Variants in PSMD6 observed in about 807,000 individuals in gnomAD.
The protein encoded by PSMD6 is 26S proteasome non-ATPase regulatory subunit 6.
Under a neutral mutation model 44.9 loss-of-function variants are expected in PSMD6, and 7 were observed. That is an observed-to-expected ratio of 0.16 (90% CI 0.09 to 0.29). The LOEUF is 0.29. Among genes scored for constraint, PSMD6 ranks in the 10% least tolerant of loss-of-function variants. The pLI, the probability that PSMD6 is intolerant of heterozygous loss-of-function variation, is 1.00. For missense variants in PSMD6, 420 were observed against 482.6 expected, an observed-to-expected ratio of 0.87 and a Z score of 1.21; for synonymous variants, 184 against 172.7, an observed-to-expected ratio of 1.07 and a Z score of -0.51.
chr3:64,022,779 T>C (rs1196667427), intron 1 of PSMD6: 2 of 1,536,298 alleles, frequency 1.3e-6, no homozygotes, highest in East Asian at 2.4e-5. Context: ...CGGTTTGCTC[T>C]TGCCGGATTC....
At chr3:64,022,001 A>G (rs1227142925) in intron 2 of PSMD6, among the ~76,000 whole-genome samples, 2 of 152,212 alleles carry the variant, frequency 1.3e-5, no homozygotes, top group Non-Finnish European at 2.9e-5. Flanking sequence ...CTTCCCAACC[A>G]AGTGAGAAAA....
Position 64,016,554 on chromosome 3 carries a change from A to G in PSMD6, c.826+2045T>C, listed in dbSNP as rs187639536. 2.2e-4 allele frequency: 30 copies of G among 133,626 alleles called. No homozygotes were observed. The East Asian group carries it at 6.6e-3, about 30-fold the overall frequency. 8.3% of individuals were successfully genotyped at this position (133,626 alleles called of 1,614,324 possible). On this transcript the variant is annotated intron_variant, in intron 5 of 7. Coordinates refer to ENST00000295901, the MANE Select transcript of PSMD6 (RefSeq NM_014814.3). Reference sequence around the variant, plus strand: ...CAAAACAGAGTGCTAAGTTTTAGCAATTGGGGCACATGGCCAGTTAAGTAT... The same window carrying G: ...CAAAACAGAGTGCTAAGTTTTAGCAGTTGGGGCACATGGCCAGTTAAGTAT...
intron 6 of PSMD6, chr3:64,011,649 GA>G (rs3215242): frequency 0.24 from 34,667 of 145,834 alleles, 4,938 homozygotes; most frequent in African/African-American, 0.41. Flanking sequence ...AACATGAAGG[GA>G]AAAAAAAAAA....
At chr3:64,014,817 G>A (rs2106852015) in intron 5 of PSMD6, 1 of 152,404 alleles carries the variant, frequency 6.6e-6, no homozygotes, top group South Asian at 2.1e-4. Flanking sequence ...CTCCAGTTTG[G>A]GGCTGGCGAC....
rs760695968 is a variant in PSMD6 at position 64,010,874 on chromosome 3, G to A, written c.1073+4C>T. 5.6e-6 allele frequency: 9 copies of A among 1,603,586 alleles called. No homozygotes were observed. Among genetic ancestry groups the A allele is most frequent in the Non-Finnish European group, 6.8e-6 (8 of 1,172,258 alleles). ...ATGCCCCTTATTCTGAGAAATGAGA[G>A]TACCTGTTGGTTTCTACTATTTCAT... On this transcript the variant is annotated splice_donor_region_variant and intron_variant, in intron 7 of 7. Coordinates refer to ENST00000295901, the MANE Select transcript of PSMD6 (RefSeq NM_014814.3).
At chr3:64,016,924 GGATA>G (rs2076053149) in intron 5 of PSMD6, 1 of 152,098 alleles carries the variant, frequency 6.6e-6, no homozygotes, top group Non-Finnish European at 1.5e-5. Context: ...ACTAATGAAT[GGATA>G]AATAAAATGT....
intron 6 of PSMD6, 123 bp from the exon 7 acceptor site, chr3:64,011,078 T>C: frequency 1.3e-6 from 1 of 757,372 alleles, no homozygotes; most frequent in Non-Finnish European, 2.1e-6. Flanking sequence ...AGCTTGTTAT[T>C]GCACATGCAG....
upstream of PSMD6, chr3:64,023,589 C>G (rs1342325160): frequency 7.1e-6 from 10 of 1,412,718 alleles, no homozygotes; most frequent in Non-Finnish European, 9.2e-6. Context: ...CTCACCCGGC[C>G]TGGGCGCCTG....
chr3:64,023,675 C>T (rs1420517287), upstream of PSMD6: 2 of 1,471,202 alleles, frequency 1.4e-6, no homozygotes, highest in South Asian at 1.4e-5. Flanking sequence ...CAGCCCAACT[C>T]AAAAGCCCAA....
At chr3:64,011,024 A>C (rs2075932867) in intron 6 of PSMD6, 69 bp from the exon 7 acceptor site, 5 of 1,239,704 alleles carry the variant, frequency 4.0e-6, no homozygotes, top group Non-Finnish European at 5.7e-6. Context: ...AAACGGCATT[A>C]AAATACTGTC....
At chr3:64,015,885 T>C (rs2106855629) in intron 5 of PSMD6, 1 of 152,250 alleles carries the variant, frequency 6.6e-6, no homozygotes, top group South Asian at 2.1e-4. Flanking sequence ...TTTTTTAAAG[T>C]GCATATAATA....
At position 64,023,485 on chromosome 3, in the gene PSMD6, G is replaced by A. The variant is rs1246389586; in HGVS notation, c.-66C>T. 16 of 1,485,296 alleles carry A rather than the reference G, an allele frequency of 1.1e-5. No individual in the cohort carries two copies. The highest frequency in any genetic ancestry group is 1.3e-5 in the Non-Finnish European group (14 of 1,110,854). 92.0% of individuals were successfully genotyped at this position (1,485,296 alleles called of 1,614,324 possible). A position where few individuals can be genotyped will look rare whatever the true frequency, so the allele number is the denominator to read the frequency against. On this transcript the variant is annotated 5_prime_UTR_variant, in exon 1 of 8. Coordinates refer to ENST00000295901, the MANE Select transcript of PSMD6 (RefSeq NM_014814.3). ...TACGACCGGCTGCGGCAGCGGAAGCGGGAGGAGTCGGCGAATACGCCCGGC... is the reference window on the plus strand; with the variant it reads ...TACGACCGGCTGCGGCAGCGGAAGCAGGAGGAGTCGGCGAATACGCCCGGC...
chr3:64,010,652 T>TGTTAGTTACATGGCTTTACA lies in PSMD6; in HGVS notation c.1166_*15dup. ...ATAATTATCTCTAAAGCAAATCCTT[T>TGTTAGTTACATGGCTTTACA]GTTAGTTACATGGCTTTACATATTA... is the stretch of plus-strand genomic sequence containing the variant. On this transcript the variant is annotated 3_prime_UTR_variant, in exon 8 of 8. Coordinates refer to ENST00000295901, the MANE Select transcript of PSMD6 (RefSeq NM_014814.3). The TGTTAGTTACATGGCTTTACA allele has an allele frequency of 6.5e-7, 1 of 1,532,368 alleles. No homozygotes were observed. Among genetic ancestry groups the TGTTAGTTACATGGCTTTACA allele is most frequent in the Non-Finnish European group, 9.0e-7 (1 of 1,115,066 alleles). The allele number at this position is 1,532,368 out of a possible 1,614,324, so 94.9% of individuals were successfully genotyped here.
chr3:64,016,333 T>C (rs568924672), intron 5 of PSMD6: 2 of 152,108 alleles, frequency 1.3e-5, no homozygotes, highest in Non-Finnish European at 2.9e-5. Context: ...ACTTTCTCAA[T>C]TTATTTTTGA....
At chr3:64,020,527 C>T (rs1477260144) in intron 2 of PSMD6, among the ~76,000 whole-genome samples, 1 of 152,052 alleles carries the variant, frequency 6.6e-6, no homozygotes, top group Non-Finnish European at 1.5e-5. Flanking sequence ...TAAAACCAAG[C>T]CACAAACATA....
chr3:64,018,575 C>A, intron 5 of PSMD6, 24 bp downstream of exon 5: 1 of 1,484,886 alleles, frequency 6.7e-7, no homozygotes, highest in South Asian at 1.2e-5. Flanking sequence ...GACAGATAAT[C>A]AAAAATATCA....
chr3:64,017,368 C>T (rs564731890), intron 5 of PSMD6: 2 of 152,084 alleles, frequency 1.3e-5, no homozygotes, highest in Admixed American at 6.5e-5. Flanking sequence ...GAGATTTGTT[C>T]TGACTGAGGG....
chr3:64,011,180 A>T, intron 6 of PSMD6: 2 of 395,730 alleles, frequency 5.1e-6, no homozygotes, highest in Non-Finnish European at 9.0e-6. Context: ...GATAGATAGA[A>T]AGTAGATCAA....
At chr3:64,016,295 G>A (rs1049637452) in intron 5 of PSMD6, 1 of 152,108 alleles carries the variant, frequency 6.6e-6, no homozygotes, top group Admixed American at 6.5e-5. Flanking sequence ...GTATGGATTT[G>A]GGGGTGAGGT....
Sources: allele counts gnomAD v4.1 joint callset (sites outside exome capture counted in the v4.1 genomes callset), GRCh38; gene constraint gnomAD v4.1.1; transcripts MANE v1.5; gene names NCBI Gene and HGNC (gene_info 2026-07-23, HGNC 2026-07-21).